The following CDH12 variants were observed in gnomAD, a reference collection of about 807,000 sequenced individuals.
CDH12 encodes cadherin-12.
A neutral mutation model predicts 74.1 loss-of-function variants in CDH12; 41 were observed. The ratio of observed to expected loss-of-function variants is 0.55; its 90% CI spans 0.43 to 0.72. The LOEUF (loss-of-function observed/expected upper bound fraction) is 0.72, where lower values mean the gene tolerates loss of function less well. CDH12 is among the 30% of genes least tolerant of loss of function. The pLI, the probability that CDH12 is intolerant of heterozygous loss-of-function variation, is 0.00. For missense variants in CDH12, 945 were observed against 977.2 expected, an observed-to-expected ratio of 0.97 and a Z score of 0.44; for synonymous variants, 399 against 355.0, an observed-to-expected ratio of 1.12 and a Z score of -1.39.
intron 4 of CDH12, among the ~76,000 whole-genome samples, chr5:22,096,452 A>G (rs1424208252): frequency 1.3e-5 from 2 of 151,676 alleles, no homozygotes; most frequent in East Asian, 3.9e-4. Context: ...AGTCTTTCTA[A>G]TCTTCCTTTT....
At chr5:22,103,251 T>C (rs1422723367) in intron 4 of CDH12, among the ~76,000 whole-genome samples, 1 of 152,202 alleles carries the variant, frequency 6.6e-6, no homozygotes, top group African/African-American at 2.4e-5. Flanking sequence ...ACGATGATGA[T>C]GATTTTTCTT....
At chr5:22,702,723 A>G (rs1331713663) in intron 1 of CDH12, among the ~76,000 whole-genome samples, 1 of 152,010 alleles carries the variant, frequency 6.6e-6, no homozygotes, top group Non-Finnish European at 1.5e-5. Flanking sequence ...CTTGATAACA[A>G]TAATAAAAAA....
chr5:22,297,955 C>CTTAAT (rs150476535), intron 3 of CDH12, among the ~76,000 whole-genome samples: 1 of 151,642 alleles, frequency 6.6e-6, no homozygotes, highest in Non-Finnish European at 1.5e-5. Context: ...TAGATATTAA[C>CTTAAT]TTAATTTAAT....
At chr5:22,740,964 T>C (rs1442486646) in intron 1 of CDH12, among the ~76,000 whole-genome samples, 1 of 152,160 alleles carries the variant, frequency 6.6e-6, no homozygotes, top group Non-Finnish European at 1.5e-5. Flanking sequence ...TAGTATTTTT[T>C]AGAAACAATA....
intron 6 of CDH12, among the ~76,000 whole-genome samples, chr5:21,864,480 A>G (rs1300556616): frequency 1.3e-5 from 2 of 152,204 alleles, no homozygotes; most frequent in Admixed American, 6.6e-5. Flanking sequence ...TCATGGAATC[A>G]TGCAGAAAGA....
intron 4 of CDH12, among the ~76,000 whole-genome samples, chr5:22,208,904 T>A (rs1048707913): frequency 3.9e-5 from 6 of 152,232 alleles, no homozygotes; most frequent in African/African-American, 1.2e-4. Flanking sequence ...TTTTCTGTTA[T>A]TCTTATACAC....
intron 2 of CDH12, among the ~76,000 whole-genome samples, chr5:22,416,539 C>A (rs552610231): frequency 6.6e-6 from 1 of 152,008 alleles, no homozygotes; most frequent in Admixed American, 6.6e-5. Flanking sequence ...AAAGGAAGTA[C>A]AAATGACCTC....
At chr5:21,994,569 G>A (rs1192705455) in intron 5 of CDH12, among the ~76,000 whole-genome samples, 1 of 152,118 alleles carries the variant, frequency 6.6e-6, no homozygotes, top group East Asian at 1.9e-4. Flanking sequence ...TCATCATTAT[G>A]TCCCCAGAGG....
intron 4 of CDH12, among the ~76,000 whole-genome samples, chr5:22,203,481 T>A (rs1408475281): frequency 1.3e-5 from 2 of 152,192 alleles, no homozygotes; most frequent in Non-Finnish European, 2.9e-5. Flanking sequence ...ACATTTTCCT[T>A]GTCCACTCAT....
intron 1 of CDH12, among the ~76,000 whole-genome samples, chr5:22,507,862 C>G (rs978410524): frequency 2.6e-5 from 4 of 152,126 alleles, no homozygotes; most frequent in Admixed American, 1.3e-4. Flanking sequence ...TTCAGAGGGT[C>G]TAGGGGAAAA....
chr5:22,633,640 C>A (rs914196471), intron 1 of CDH12, among the ~76,000 whole-genome samples: 21 of 152,116 alleles, frequency 1.4e-4, no homozygotes, highest in Admixed American at 6.6e-4. Context: ...AAACTAATGG[C>A]CAGACTGTTT....
At chr5:22,255,733 A>G (rs1415083661) in intron 3 of CDH12, among the ~76,000 whole-genome samples, 5 of 151,918 alleles carry the variant, frequency 3.3e-5, no homozygotes, top group African/African-American at 4.8e-5. Context: ...AACTACATGC[A>G]ATACAAATAA....
At chr5:21,971,034 T>A (rs1372087721) in intron 6 of CDH12, among the ~76,000 whole-genome samples, 2 of 151,858 alleles carry the variant, frequency 1.3e-5, no homozygotes, top group Admixed American at 1.3e-4. Context: ...AAACCAGTGT[T>A]CTACTTTATT....
rs574793505 is a variant in CDH12 at position 22,014,379 on chromosome 5, G to A, written c.232-38994C>T. Reference sequence around the variant, plus strand: ...TGAGTACATGTTCACTGACATATATGGATCCTCAGAAATATATATCTTAAA... The same window carrying A: ...TGAGTACATGTTCACTGACATATATAGATCCTCAGAAATATATATCTTAAA... On this transcript the variant is annotated intron_variant, in intron 5 of 14. Transcript: ENST00000382254. Among the ~76,000 whole-genome samples the A allele has an allele frequency of 4.0e-3, 602 of 152,024 alleles. 9 individuals carry two copies. Among genetic ancestry groups the A allele is most frequent in the African/African-American group, 0.014 (567 of 41,462 alleles).
intron 2 of CDH12, among the ~76,000 whole-genome samples, chr5:22,425,965 G>A (rs1175252428): frequency 6.6e-6 from 1 of 151,772 alleles, no homozygotes; most frequent in Non-Finnish European, 1.5e-5. Context: ...GAGGTGAGCG[G>A]ATCACAAGGT....
At chr5:22,603,385 T>C (rs1159990338) in intron 1 of CDH12, among the ~76,000 whole-genome samples, 1 of 152,124 alleles carries the variant, frequency 6.6e-6, no homozygotes, top group Non-Finnish European at 1.5e-5. Context: ...CAAGTAAAAA[T>C]GTCCAGTGGC....
intron 6 of CDH12, among the ~76,000 whole-genome samples, chr5:21,860,193 T>C (rs1750970317): frequency 2.6e-5 from 4 of 152,110 alleles, no homozygotes; most frequent in South Asian, 2.1e-4. Flanking sequence ...TGTGCATGTA[T>C]ACATTTGTAC....
At chr5:22,403,796 T>C (rs933792677) in intron 3 of CDH12, among the ~76,000 whole-genome samples, 2 of 152,178 alleles carry the variant, frequency 1.3e-5, no homozygotes, top group Non-Finnish European at 2.9e-5. Context: ...AGACATTGTA[T>C]TTCAGGCTTA....
intron 1 of CDH12, among the ~76,000 whole-genome samples, chr5:22,556,409 G>T (rs541557965): frequency 6.6e-6 from 1 of 151,986 alleles, no homozygotes; most frequent in African/African-American, 2.4e-5. Flanking sequence ...CCACAGAAAC[G>T]TGAGAAAAGT....
Sources: gnomAD v4.1 joint callset for allele counts (sites outside exome capture counted in the v4.1 genomes callset) on GRCh38, gnomAD v4.1.1 for gene constraint, MANE v1.5 for transcripts, NCBI Gene and HGNC (gene_info 2026-07-23, HGNC 2026-07-21) for gene names.